Variants in TRPC7 observed in about 807,000 individuals in gnomAD.
The protein encoded by TRPC7 is transient receptor potential cation channel subfamily C member 7.
TRPC7 carries 42 observed loss-of-function variants against 90.1 expected under a neutral mutation model. That is an observed-to-expected ratio of 0.47 (90% CI 0.36 to 0.60). The LOEUF (loss-of-function observed/expected upper bound fraction) is 0.60. Ranked by LOEUF, TRPC7 falls within the 20% of genes least tolerant of loss-of-function variation. TRPC7 has a pLI of 0.00. For synonymous variants in TRPC7, 451 were observed against 436.3 expected (o/e 1.03, Z -0.42); for missense variants, 955 against 1,112.3 (o/e 0.86, Z 2.01).
intron 3 of TRPC7, among the ~76,000 whole-genome samples, chr5:136,284,794 A>C (rs1354984365): frequency 6.6e-6 from 1 of 152,214 alleles, no homozygotes; most frequent in Non-Finnish European, 1.5e-5. Context: ...CACCCAGGCC[A>C]CTGAGAGAGT....
In TRPC7 at chr5:136,251,703, C is replaced by A. The variant is rs768198424; in HGVS notation, c.1525G>T (p.Asp509Tyr). 8.1e-6 allele frequency: 13 copies of A among 1,613,652 alleles called. No individual in the cohort carries two copies. The South Asian group carries it at 1.4e-4, about 18-fold the overall frequency. ...AQLYVDQHVQDDTLHNVSLPP... is the reference protein window; with the variant it reads ...AQLYVDQHVQYDTLHNVSLPP... The stretch of plus-strand genomic sequence containing the variant: ...AGCGAGACATTGTGCAGCGTGTCGT[C>A]CTGCACGTGCTGGTCCACGTACAGC... The change falls in exon 6 of 12, where the codon GAC becomes TAC. Residue 509 changes from aspartate to tyrosine, a missense_variant. Coordinates refer to ENST00000513104, the MANE Select transcript of TRPC7 (RefSeq NM_020389.3).
chr5:136,359,985 G>GT (rs1277766096), intron 1 of TRPC7, among the ~76,000 whole-genome samples: 1 of 152,132 alleles, frequency 6.6e-6, no homozygotes, highest in African/African-American at 2.4e-5. Context: ...AACAGCAGCT[G>GT]TCCGAGAAGA....
chr5:136,312,738 C>T (rs1305060035), intron 3 of TRPC7, among the ~76,000 whole-genome samples: 1 of 152,162 alleles, frequency 6.6e-6, no homozygotes, highest in Non-Finnish European at 1.5e-5. Context: ...GAGGTCCAGA[C>T]ATTAGGGTGG....
At chr5:136,234,398 G>A (rs780022733) in intron 7 of TRPC7, among the ~76,000 whole-genome samples, 6 of 151,708 alleles carry the variant, frequency 4.0e-5, no homozygotes, top group African/African-American at 7.3e-5. Flanking sequence ...CAACCTCCGC[G>A]TCCTGGGTTT....
At chr5:136,258,405 T>C (rs183637261) in intron 5 of TRPC7, among the ~76,000 whole-genome samples, 5 of 152,322 alleles carry the variant, frequency 3.3e-5, no homozygotes, top group African/African-American at 9.6e-5. Flanking sequence ...CTGAGCCCCA[T>C]GGCCTTTTGC....
intron 2 of TRPC7, among the ~76,000 whole-genome samples, chr5:136,324,511 A>C (rs1048261976): frequency 3.3e-5 from 5 of 152,126 alleles, no homozygotes; most frequent in African/African-American, 9.7e-5. Flanking sequence ...CTTAGTTCTC[A>C]ACTATTTGAG....
chr5:136,294,602 A>T (rs1313525956), intron 3 of TRPC7, among the ~76,000 whole-genome samples: 2 of 152,140 alleles, frequency 1.3e-5, no homozygotes, highest in African/African-American at 4.8e-5. Flanking sequence ...ACCATCTCAC[A>T]CCAGTTAGAA....
intron 2 of TRPC7, among the ~76,000 whole-genome samples, chr5:136,316,461 A>G (rs976059611): frequency 2.6e-5 from 4 of 152,240 alleles, no homozygotes; most frequent in African/African-American, 9.6e-5. Flanking sequence ...TTTTCTTCCT[A>G]GAAATCCTTT....
At chr5:136,243,330 T>C (rs1436056947) in intron 7 of TRPC7, among the ~76,000 whole-genome samples, 1 of 140,786 alleles carries the variant, frequency 7.1e-6, no homozygotes, top group Non-Finnish European at 1.6e-5. Flanking sequence ...GGAATGGGGT[T>C]GGGGGGAGGT....
chr5:136,303,758 T>C (rs1758493546), intron 3 of TRPC7: 1 of 151,646 alleles, frequency 6.6e-6, no homozygotes, highest in South Asian at 2.1e-4. Context: ...CCTTCCCAGA[T>C]CTTCTCGGCT....
rs1004612534 is a variant in TRPC7 at position 136,212,908 on chromosome 5, T to C, written c.*527A>G. ...TTAGGATTTTTAAACTTTTTTTTTA[T>C]ATAAACAAATAGAACTATTTTGCTA... is the stretch of plus-strand genomic sequence containing the variant. On this transcript the variant is annotated 3_prime_UTR_variant, in exon 12 of 12. Coordinates refer to ENST00000513104, the MANE Select transcript of TRPC7 (RefSeq NM_020389.3). Among the ~76,000 whole-genome samples, 1 of 152,358 alleles carries C rather than the reference T, an allele frequency of 6.6e-6. No individual in the cohort carries two copies. The highest frequency in any genetic ancestry group is 1.5e-5 in the Non-Finnish European group (1 of 68,024).
In TRPC7 at chr5:136,228,860, C is replaced by T. The variant is rs75330093; in HGVS notation, c.2040+2494G>A. On this transcript the variant is annotated intron_variant, in intron 8 of 11. Transcript: ENST00000513104. ...CAGAGGGAGGTGTGGGGCTGTAATA[C>T]ACTCTCTGCATGTCGCGGCCCCTTT... Among the ~76,000 whole-genome samples, 137 of 152,290 alleles carry T rather than the reference C, an allele frequency of 9.0e-4. 1 individual carries two copies. The East Asian group carries it at 0.026, about 29-fold the overall frequency.
At chr5:136,325,292 C>A (rs1759311687) in intron 2 of TRPC7, among the ~76,000 whole-genome samples, 2 of 152,264 alleles carry the variant, frequency 1.3e-5, no homozygotes, top group South Asian at 2.1e-4. Flanking sequence ...GCTAAGAGAG[C>A]AGAACAGGTA....
intron 6 of TRPC7, among the ~76,000 whole-genome samples, chr5:136,251,432 C>T (rs1252683139): frequency 6.6e-6 from 1 of 152,148 alleles, no homozygotes; most frequent in Non-Finnish European, 1.5e-5. Flanking sequence ...TCACTAATTC[C>T]ACGTTCTATT....
intron 2 of TRPC7, chr5:136,316,198 A>T (rs1018795186): frequency 6.0e-6 from 1 of 167,136 alleles, no homozygotes; most frequent in Non-Finnish European, 1.3e-5. Context: ...GCATTTTTCT[A>T]TGCCCAATTC....
chr5:136,272,666 T>C (rs1757243648), intron 4 of TRPC7, among the ~76,000 whole-genome samples: 1 of 152,164 alleles, frequency 6.6e-6, no homozygotes, highest in Non-Finnish European at 1.5e-5. Context: ...CTTGAGTTTC[T>C]TTTTTCTTTT....
intron 2 of TRPC7, among the ~76,000 whole-genome samples, chr5:136,341,372 G>T (rs1343541661): frequency 6.6e-6 from 1 of 151,962 alleles, no homozygotes; most frequent in Non-Finnish European, 1.5e-5. Flanking sequence ...AAAAAAGCCA[G>T]TTGGGAACTG....
At chr5:136,259,289 G>C (rs1009526476) in intron 5 of TRPC7, among the ~76,000 whole-genome samples, 1 of 152,206 alleles carries the variant, frequency 6.6e-6, no homozygotes, top group African/African-American at 2.4e-5. Context: ...GTTGTCCACT[G>C]TGCTGTCTCC....
chr5:136,311,812 G>T (rs1049593992), intron 3 of TRPC7, among the ~76,000 whole-genome samples: 1 of 152,188 alleles, frequency 6.6e-6, no homozygotes, highest in African/African-American at 2.4e-5. Flanking sequence ...TTCAGGGACT[G>T]TGGCCTAGAG....
Sources: gnomAD v4.1 joint callset for allele counts (sites outside exome capture counted in the v4.1 genomes callset) on GRCh38, gnomAD v4.1.1 for gene constraint, MANE v1.5 for transcripts, NCBI Gene and HGNC (gene_info 2026-07-23, HGNC 2026-07-21) for gene names.